The following PDCL2 variants were observed in gnomAD, a reference collection of about 807,000 sequenced individuals.
PDCL2 encodes the protein phosducin like 2, also known as phosducin-like protein 2.
In PDCL2, 23 loss-of-function variants were observed where a neutral mutation model predicts 30.3. The observed-to-expected ratio is 0.76, with a 90% CI of 0.55 to 1.08. The LOEUF is 1.08. Ranked by LOEUF, PDCL2 falls within the 50% of genes least tolerant of loss-of-function variation. The pLI, the probability that PDCL2 is intolerant of heterozygous loss-of-function variation, is 0.00. For missense variants in PDCL2, 243 were observed against 282.3 expected (o/e 0.86, Z 1.00); for synonymous variants, 68 against 86.2 (o/e 0.79, Z 1.17).
At chr4:55,575,845 G>A (rs1361009513) in intron 3 of PDCL2, among the ~76,000 whole-genome samples, 1 of 151,606 alleles carries the variant, frequency 6.6e-6, no homozygotes, top group African/African-American at 2.4e-5. Context: ...CAAGAATGAG[G>A]GTAAATTAAT....
At chr4:55,559,248 T>A (rs1200941987) in intron 5 of PDCL2, among the ~76,000 whole-genome samples, 3 of 152,206 alleles carry the variant, frequency 2.0e-5, no homozygotes, top group African/African-American at 4.8e-5. Context: ...TACCTTATGA[T>A]CCCACAATTC....
Position 55,566,589 on chromosome 4 carries a change from A to AT in PDCL2, c.362+3128dup, listed in dbSNP as rs56725114. 1.8e-3 allele frequency among the ~76,000 whole-genome samples: 274 copies of AT among 148,614 alleles called. 4 individuals are homozygous for AT. Among genetic ancestry groups the AT allele is most frequent in the Non-Finnish European group, 4.9e-4 (33 of 67,038 alleles). ...AGGCATGCGCCACCAAGCCTGGCTA[A>AT]TTTTTTTTTTGTATTTTTAGTAGAG... On this transcript the variant is annotated intron_variant, in intron 4 of 5. Coordinates refer to ENST00000295645, the MANE Select transcript of PDCL2 (RefSeq NM_152401.3).
At chr4:55,571,515 G>A (rs766803571) in intron 3 of PDCL2, among the ~76,000 whole-genome samples, 9 of 144,500 alleles carry the variant, frequency 6.2e-5, no homozygotes, top group Non-Finnish European at 1.1e-4. Context: ...GTGAAACCCC[G>A]TCTCTACTAA....
rs1232232783 is a variant in PDCL2 at position 55,556,656 on chromosome 4, G to A, written c.627C>T (p.Asn209=). The change falls in exon 6 of 6, where the codon AAC becomes AAT. Residue 209 remains asparagine, a synonymous_variant. Transcript: ENST00000295645. ...VGAIQTDLEE[N]PRKDMVDMMV... ...TCATATCTACCATGTCTTTTCTGGG[G>A]TTTTCTTCCAAATCAGTCTGTATTG... 6.4e-7 allele frequency: 1 copy of A among 1,570,364 alleles called. No individual in the cohort carries two copies. The highest frequency in any genetic ancestry group is 8.7e-7 in the Non-Finnish European group (1 of 1,155,776).
rs144409927 is a variant in PDCL2, at chr4:55,556,611, G to A, written c.672C>T (p.Asn224=). 2.9e-4 allele frequency: 449 copies of A among 1,574,720 alleles called. 1 individual carries two copies. The African/African-American group carries it at 4.8e-3, about 17-fold the overall frequency. The change falls in exon 6 of 6, where the codon AAC becomes AAT. Residue 224 remains asparagine, a synonymous_variant. Coordinates refer to ENST00000295645, the MANE Select transcript of PDCL2 (RefSeq NM_152401.3). ...MVDMMVSSIR[N]TSIHDDSDSS... ...TATCACTGTCATCATGAATAGAAGT[G>A]TTTCTAATTGAAGATACCATCATAT...
At chr4:55,558,469 G>T (rs1049621588) in intron 5 of PDCL2, among the ~76,000 whole-genome samples, 1 of 152,288 alleles carries the variant, frequency 6.6e-6, no homozygotes, top group Middle Eastern at 3.4e-3. Context: ...TGCCATGATT[G>T]TAAGTTTGCT....
intron 3 of PDCL2, among the ~76,000 whole-genome samples, chr4:55,570,231 TACCA>T (rs1412473284): frequency 1.3e-5 from 2 of 152,188 alleles, no homozygotes; most frequent in Non-Finnish European, 2.9e-5. Context: ...CTTGCTATGT[TACCA>T]GGCACTATTT....
At chr4:55,560,259 G>A (rs1378210541) in intron 5 of PDCL2, among the ~76,000 whole-genome samples, 4 of 151,938 alleles carry the variant, frequency 2.6e-5, no homozygotes, top group Non-Finnish European at 5.9e-5. Context: ...GAGGGGAACA[G>A]GACTAAGTAT....
At chr4:55,566,429 C>CTTTTTT (rs59299412) in intron 4 of PDCL2, among the ~76,000 whole-genome samples, 1 of 126,914 alleles carries the variant, frequency 7.9e-6, no homozygotes. Context: ...TCCTTTTTCT[C>CTTTTTT]TTTTTTTTTT....
chr4:55,584,558 G>C (rs1272618132), intron 1 of PDCL2, among the ~76,000 whole-genome samples: 1 of 151,856 alleles, frequency 6.6e-6, no homozygotes, highest in Non-Finnish European at 1.5e-5. Context: ...TGCCTGGCCA[G>C]AAATGCTACT....
intron 1 of PDCL2, among the ~76,000 whole-genome samples, chr4:55,589,195 G>T (rs1473304702): frequency 1.3e-5 from 2 of 152,112 alleles, no homozygotes; most frequent in Non-Finnish European, 2.9e-5. Flanking sequence ...TGATCATTCT[G>T]TTATCTAAAA....
chr4:55,562,540 A>C lies in PDCL2; in HGVS notation c.435T>G (p.Val145=). The change falls in exon 5 of 6, where the codon GTT becomes GTG. Residue 145 remains valine (V), a synonymous_variant. Coordinates refer to ENST00000295645, the MANE Select transcript of PDCL2 (RefSeq NM_152401.3). ...LARKFPETKF[V]KAIVNSCIQH... is the part of the protein sequence containing the mutation. ...GAATACAGCTATTCACGATGGCTTT[A>C]ACAAATTTAGTTTCTGGAAACTTTC... 6.2e-7 allele frequency: 1 copy of C among 1,606,080 alleles called. No homozygotes were observed. Among genetic ancestry groups the C allele is most frequent in the Non-Finnish European group, 8.5e-7 (1 of 1,176,360 alleles).
intron 5 of PDCL2, 60 bp from the exon 6 acceptor site, chr4:55,556,771 T>C (rs752253960): frequency 6.1e-5 from 80 of 1,318,716 alleles, no homozygotes; most frequent in Non-Finnish European, 8.0e-5. Context: ...ATTTTTCATC[T>C]ATATGAAACA....
At chr4:55,586,474 TTCAA>T (rs1732867130) in intron 1 of PDCL2, among the ~76,000 whole-genome samples, 4 of 152,360 alleles carry the variant, frequency 2.6e-5, no homozygotes, top group Admixed American at 2.6e-4. Context: ...TTAGCATGTT[TTCAA>T]GGTTCGACTA....
At chr4:55,578,194 G>C (rs2110163519) in intron 3 of PDCL2, among the ~76,000 whole-genome samples, 1 of 152,304 alleles carries the variant, frequency 6.6e-6, no homozygotes, top group South Asian at 2.1e-4. Context: ...GCCTGAGCCA[G>C]TGGGAGTTCA....
At chr4:55,565,306 C>T (rs565731984) in intron 4 of PDCL2, among the ~76,000 whole-genome samples, 22 of 152,138 alleles carry the variant, frequency 1.4e-4, no homozygotes, top group African/African-American at 4.8e-4. Context: ...TGTATTAGTC[C>T]GTTCTCATGC....
intron 1 of PDCL2, among the ~76,000 whole-genome samples, chr4:55,585,524 T>TCTCA (rs1732836006): frequency 1.3e-5 from 2 of 150,336 alleles, no homozygotes; most frequent in Admixed American, 1.3e-4. Flanking sequence ...TGAGATACTG[T>TCTCA]CACACACACA....
intron 5 of PDCL2, among the ~76,000 whole-genome samples, chr4:55,558,635 T>C (rs1732047164): frequency 6.6e-6 from 1 of 152,204 alleles, no homozygotes; most frequent in Non-Finnish European, 1.5e-5. Flanking sequence ...ATTCAAGACC[T>C]AAGCTCAAAA....
In PDCL2 at chr4:55,556,758, A is replaced by G. The variant is rs1230003520; in HGVS notation, c.572-47T>C. 5 of 1,381,366 alleles carry G rather than the reference A, an allele frequency of 3.6e-6. No individual in the cohort carries two copies. The African/African-American group carries it at 4.5e-5, about 12-fold the overall frequency. The allele number at this position is 1,381,366 out of a possible 1,614,324, so 85.6% of individuals were successfully genotyped here. Reference sequence around the variant, plus strand: ...TCAGTTAAAAATCTTGAAAAAATGAATAATTTTTCATCTATATGAAACAAG... The same window carrying G: ...TCAGTTAAAAATCTTGAAAAAATGAGTAATTTTTCATCTATATGAAACAAG... On this transcript the variant is annotated intron_variant, in intron 5 of 5. Coordinates refer to ENST00000295645, the MANE Select transcript of PDCL2 (RefSeq NM_152401.3).
Sources: gnomAD v4.1 joint callset for allele counts (sites outside exome capture counted in the v4.1 genomes callset) on GRCh38, gnomAD v4.1.1 for gene constraint, MANE v1.5 for transcripts, NCBI Gene and HGNC (gene_info 2026-07-23, HGNC 2026-07-21) for gene names.